Variants in STK24 observed in about 807,000 individuals in gnomAD.
STK24 encodes serine/threonine-protein kinase 24.
STK24 carries 21 observed loss-of-function variants against 55.6 expected under a neutral mutation model. The ratio of observed to expected loss-of-function variants is 0.38; its 90% CI spans 0.27 to 0.54. The LOEUF (loss-of-function observed/expected upper bound fraction) is 0.54. Among genes scored for constraint, STK24 ranks in the 20% least tolerant of loss-of-function variants. The probability of loss-of-function intolerance (pLI) is 0.79; values close to 1 mark genes in which losing one functional copy is unlikely to be tolerated. For synonymous variants in STK24, 200 were observed against 215.2 expected (o/e 0.93, Z 0.62); for missense variants, 383 against 538.4 (o/e 0.71, Z 2.86).
intron 2 of STK24, among the ~76,000 whole-genome samples, chr13:98,510,201 A>G (rs767001346): frequency 1.3e-5 from 2 of 152,222 alleles, no homozygotes; most frequent in Admixed American, 1.3e-4. Flanking sequence ...CAAGACCCAC[A>G]GGGGTGTCCG....
chr13:98,561,387 A>C (rs549544863), intron 1 of STK24, among the ~76,000 whole-genome samples: 1 of 152,182 alleles, frequency 6.6e-6, no homozygotes, highest in South Asian at 2.1e-4. Flanking sequence ...GTTCAAGACC[A>C]GCCTGGCCAA....
At position 98,447,969 on chromosome 13, in the gene STK24, C is replaced by T. The variant is rs1892959671; in HGVS notation, c.*5204G>A. On this transcript the variant is annotated 3_prime_UTR_variant, in exon 11 of 11. Coordinates refer to ENST00000539966, the MANE Select transcript of STK24 (RefSeq NM_001032296.4). ...CGTTCTCCCCAGCAACCAGAGGCCA[C>T]CTCGCTCCTAACTGCTCCAATGGAG... The T allele has an allele frequency of 2.0e-6, 1 of 501,412 alleles. No homozygotes were observed. Among genetic ancestry groups the T allele is most frequent in the South Asian group, 2.7e-5 (1 of 37,288 alleles). 31.1% of individuals were successfully genotyped at this position (501,412 alleles called of 1,614,324 possible).
At chr13:98,480,946 C>T (rs576870497) in intron 3 of STK24, among the ~76,000 whole-genome samples, 1 of 152,130 alleles carries the variant, frequency 6.6e-6, no homozygotes, top group Non-Finnish European at 1.5e-5. Flanking sequence ...CCCGTGTAGA[C>T]TATGCTAAAG....
chr13:98,477,615 C>T (rs1894425745), intron 3 of STK24, among the ~76,000 whole-genome samples: 1 of 148,716 alleles, frequency 6.7e-6, no homozygotes, highest in South Asian at 2.1e-4. Context: ...GCAGAGGTTG[C>T]AATGAGCCAA....
intron 6 of STK24, 64 bp downstream of exon 6, chr13:98,466,312 G>A (rs1893924639): frequency 5.2e-6 from 8 of 1,531,258 alleles, no homozygotes; most frequent in Non-Finnish European, 7.1e-6. Context: ...AATCCCAACA[G>A]GATGTATCTC....
intron 1 of STK24, among the ~76,000 whole-genome samples, chr13:98,565,775 G>A (rs1055983566): frequency 6.6e-6 from 1 of 152,150 alleles, no homozygotes; most frequent in Non-Finnish European, 1.5e-5. Context: ...CTAAGGAGGT[G>A]GGGCTCAGAG....
chr13:98,494,776 G>A (rs148944463), intron 2 of STK24, among the ~76,000 whole-genome samples: 1,676 of 152,206 alleles, frequency 0.011, 7 homozygotes, highest in Non-Finnish European at 0.018. Flanking sequence ...TTTGTTAGCC[G>A]AGAGCTACTG....
intron 1 of STK24, among the ~76,000 whole-genome samples, chr13:98,537,787 A>T (rs1281969319): frequency 6.6e-6 from 1 of 152,114 alleles, no homozygotes; most frequent in African/African-American, 2.4e-5. Context: ...TCGAATCCCC[A>T]GCTCTGATGA....
rs569688112 is a variant in STK24 at position 98,540,279 on chromosome 13, T to C, written c.43-20806A>G. On this transcript the variant is annotated intron_variant, in intron 1 of 10. Coordinates refer to ENST00000539966, the MANE Select transcript of STK24 (RefSeq NM_001032296.4). ...GGATGAAATGTTCTGCTCTGATTGA[T>C]GCTAGCTGCACCATTCAGTAAAATT... Among the ~76,000 whole-genome samples the C allele has an allele frequency of 2.0e-5, 3 of 152,342 alleles. No homozygotes were observed. In the East Asian group the frequency reaches 5.8e-4, roughly 29 times the overall value.
intron 1 of STK24, among the ~76,000 whole-genome samples, chr13:98,519,869 CAA>C (rs1210092005): frequency 1.3e-5 from 2 of 152,116 alleles, no homozygotes; most frequent in Non-Finnish European, 1.5e-5. Context: ...ACCCAATCCC[CAA>C]AAGTTCCTGA....
At chr13:98,555,550 G>C (rs1486394503) in intron 1 of STK24, among the ~76,000 whole-genome samples, 2 of 151,622 alleles carry the variant, frequency 1.3e-5, no homozygotes, top group Non-Finnish European at 2.9e-5. Flanking sequence ...CTGCACTCCA[G>C]CCTGGGCGAC....
intron 1 of STK24, among the ~76,000 whole-genome samples, chr13:98,537,528 G>C (rs1320129449): frequency 2.0e-5 from 3 of 152,154 alleles, no homozygotes; most frequent in Admixed American, 6.5e-5. Flanking sequence ...ACTAAGGACC[G>C]GGCCACGCAC....
Position 98,448,461 on chromosome 13 carries a change from G to GT in STK24, c.*4711dup, listed in dbSNP as rs1305774924. 4 of 675,490 alleles carry GT rather than the reference G, an allele frequency of 5.9e-6. No individual in the cohort carries two copies. Among genetic ancestry groups the GT allele is most frequent in the African/African-American group, 5.4e-5 (3 of 55,636 alleles). 41.8% of individuals were successfully genotyped at this position (675,490 alleles called of 1,614,324 possible). A position where few individuals can be genotyped will look rare whatever the true frequency, so the allele number is the denominator to read the frequency against. Reference sequence around the variant, plus strand: ...GCAGCTCTCCTGTCTCCACAGCCGCGTTTTTTAACCCCGACCTCTCAGCGT... The same window carrying GT: ...GCAGCTCTCCTGTCTCCACAGCCGCGTTTTTTTAACCCCGACCTCTCAGCGT... On this transcript the variant is annotated 3_prime_UTR_variant, in exon 11 of 11. Coordinates refer to ENST00000539966, the MANE Select transcript of STK24 (RefSeq NM_001032296.4).
intron 1 of STK24, among the ~76,000 whole-genome samples, chr13:98,569,590 A>G (rs1234991995): frequency 6.6e-6 from 1 of 152,162 alleles, no homozygotes; most frequent in Non-Finnish European, 1.5e-5. Flanking sequence ...CAAGGTTGCA[A>G]CAACTACAGA....
chr13:98,567,370 C>T (rs369678698), intron 1 of STK24, among the ~76,000 whole-genome samples: 2 of 152,232 alleles, frequency 1.3e-5, no homozygotes, highest in East Asian at 1.9e-4. Flanking sequence ...ACTGATGCCA[C>T]CTCCGCCCTG....
chr13:98,534,446 A>G (rs1896659415), intron 1 of STK24, among the ~76,000 whole-genome samples: 1 of 152,212 alleles, frequency 6.6e-6, no homozygotes, highest in African/African-American at 2.4e-5. Context: ...AAATGGTAAT[A>G]GCCCTTTCCC....
rs779903096 is a variant in STK24 at position 98,446,639 on chromosome 13, C to G, written c.*6534G>C. The G allele has an allele frequency of 8.1e-6, 13 of 1,611,746 alleles. No homozygotes were observed. The highest frequency in any genetic ancestry group is 1.1e-5 in the Non-Finnish European group (13 of 1,178,198). ...AGCAGCAGAAGCTGACCCCGAAAAG[C>G]CACTTTGCTTTGTTTCCCCTTTCCA... On this transcript the variant is annotated 3_prime_UTR_variant, in exon 11 of 11. Coordinates refer to ENST00000539966, the MANE Select transcript of STK24 (RefSeq NM_001032296.4).
chr13:98,481,581 C>T (rs112988144), intron 3 of STK24, among the ~76,000 whole-genome samples: 29 of 152,328 alleles, frequency 1.9e-4, no homozygotes, highest in African/African-American at 6.3e-4. Flanking sequence ...ACTAAGTTGT[C>T]ATGTGAAATA....
chr13:98,473,046 C>T (rs1894211625), intron 5 of STK24, among the ~76,000 whole-genome samples: 1 of 151,598 alleles, frequency 6.6e-6, no homozygotes, highest in Admixed American at 6.6e-5. Context: ...GTGACTACAA[C>T]ACAGCACGCT....
Sources: allele counts gnomAD v4.1 joint callset (sites outside exome capture counted in the v4.1 genomes callset), GRCh38; gene constraint gnomAD v4.1.1; transcripts MANE v1.5; gene names NCBI Gene and HGNC (gene_info 2026-07-23, HGNC 2026-07-21).